Variants in MAST2 observed in about 807,000 individuals in gnomAD.
MAST2 encodes microtubule-associated serine/threonine-protein kinase 2.
Under a neutral mutation model 147.4 loss-of-function variants are expected in MAST2, and 70 were observed. The observed-to-expected ratio is 0.47, with a 90% CI of 0.39 to 0.58. MAST2 has a LOEUF of 0.58. Ranked by LOEUF, MAST2 falls within the 20% of genes least tolerant of loss-of-function variation. MAST2 has a pLI of 0.00. For missense variants in MAST2, 2,080 were observed against 2,302.3 expected (o/e 0.90, Z 1.98); for synonymous variants, 869 against 896.8 (o/e 0.97, Z 0.55).
At chr1:45,970,347 T>G (rs1432269694) in intron 5 of MAST2, among the ~76,000 whole-genome samples, 1 of 152,098 alleles carries the variant, frequency 6.6e-6, no homozygotes, top group Non-Finnish European at 1.5e-5. Context: ...CTGGCACTGG[T>G]TGCTATGGAG....
chr1:45,806,209 C>T (rs1243578048), intron 1 of MAST2, among the ~76,000 whole-genome samples: 1 of 152,194 alleles, frequency 6.6e-6, no homozygotes, highest in African/African-American at 2.4e-5. Flanking sequence ...CCTCCCTCAC[C>T]ACCTCTGTCA....
intron 4 of MAST2, among the ~76,000 whole-genome samples, chr1:45,931,377 G>GTTTTTTTTTTTTTTT (rs71587091): frequency 3.5e-4 from 35 of 101,174 alleles, no homozygotes; most frequent in Non-Finnish European, 3.9e-4. Flanking sequence ...ATTGTGTTCT[G>GTTTTTTTTTTTTTTT]TTTTTTTTTT....
At chr1:46,019,193 T>C (rs1451424936) in intron 10 of MAST2, among the ~76,000 whole-genome samples, 5 of 152,112 alleles carry the variant, frequency 3.3e-5, no homozygotes, top group Non-Finnish European at 5.9e-5. Context: ...GCAGCCAGAG[T>C]GATCCTTCTG....
At chr1:45,945,926 A>C (rs1208227952) in intron 4 of MAST2, among the ~76,000 whole-genome samples, 1 of 152,186 alleles carries the variant, frequency 6.6e-6, no homozygotes, top group African/African-American at 2.4e-5. Context: ...ATGTTTGTGG[A>C]TGGCCTCAGT....
rs201576606 is a variant in MAST2, at chr1:46,022,038, G to C, written c.1379G>C (p.Arg460Pro). Residue 460 changes from arginine to proline, a missense_variant, in exon 12 of 29, where the codon CGC becomes CCC. Physicochemically the swap from Arg to Pro is moderately radical, Grantham distance 103. Coordinates refer to ENST00000361297, the MANE Select transcript of MAST2 (RefSeq NM_015112.3). The stretch of plus-strand genomic sequence containing the variant: ...CAAGGGATTAAATGTGACATTCCCC[G>C]CTACATCGTTAGCCAGCTGGGCCTC... The part of the protein sequence containing the change: ...EGQGIKCDIP[R>P]YIVSQLGLTR... 1 of 1,614,042 alleles carries C rather than the reference G, an allele frequency of 6.2e-7. No individual in the cohort carries two copies. Among genetic ancestry groups the C allele is most frequent in the African/African-American group, 1.3e-5 (1 of 74,914 alleles).
intron 3 of MAST2, among the ~76,000 whole-genome samples, chr1:45,864,042 A>G (rs928457071): frequency 4.6e-5 from 7 of 152,222 alleles, no homozygotes; most frequent in African/African-American, 1.7e-4. Context: ...AAGGAACAGA[A>G]TCATATCATG....
At chr1:45,852,166 TTG>T (rs1214773370) in intron 3 of MAST2, among the ~76,000 whole-genome samples, 2 of 152,180 alleles carry the variant, frequency 1.3e-5, no homozygotes, top group African/African-American at 4.8e-5. Context: ...TTGTATATGT[TTG>T]TGTGTGTATG....
chr1:46,006,034 G>C (rs1483051145), intron 7 of MAST2, among the ~76,000 whole-genome samples: 1 of 152,182 alleles, frequency 6.6e-6, no homozygotes, highest in Non-Finnish European at 1.5e-5. Flanking sequence ...AAGGACTCCA[G>C]TATATTGAAT....
chr1:45,817,868 C>T (rs963248833), intron 1 of MAST2, among the ~76,000 whole-genome samples: 2 of 152,092 alleles, frequency 1.3e-5, no homozygotes, highest in Non-Finnish European at 2.9e-5. Flanking sequence ...CTTTATTAAT[C>T]AAAATAGGAA....
In MAST2 at chr1:45,813,372, C is replaced by T. The variant is rs545477493; in HGVS notation, c.177+9300C>T. ...TGAGACCGAGTCTTGCTCTGTTGCTCAGGCTGGAGTGCAGTGGTGCGATCT... is the reference window on the plus strand; with the variant it reads ...TGAGACCGAGTCTTGCTCTGTTGCTTAGGCTGGAGTGCAGTGGTGCGATCT... On this transcript the variant is annotated intron_variant, in intron 1 of 28. Transcript: ENST00000361297. Among the ~76,000 whole-genome samples, 6 of 151,858 alleles carry T rather than the reference C, an allele frequency of 4.0e-5. 1 individual carries two copies. The highest frequency in any genetic ancestry group is 1.4e-4 in the African/African-American group (6 of 41,396).
intron 5 of MAST2, among the ~76,000 whole-genome samples, chr1:45,968,105 C>T (rs1643686568): frequency 6.6e-6 from 1 of 152,134 alleles, no homozygotes; most frequent in Non-Finnish European, 1.5e-5. Context: ...TTGGGATGTT[C>T]AGCTGGTTAG....
chr1:45,960,413 G>A (rs914321743), intron 5 of MAST2, among the ~76,000 whole-genome samples: 1 of 152,086 alleles, frequency 6.6e-6, no homozygotes, highest in Non-Finnish European at 1.5e-5. Flanking sequence ...GGAGGCTGAG[G>A]TGGGAGCATC....
chr1:46,024,154 C>G, intron 15 of MAST2, 174 bp downstream of exon 15: 1 of 631,866 alleles, frequency 1.6e-6, no homozygotes. Context: ...ACAGTGGGCA[C>G]AAAGCTCCCT....
At chr1:46,026,950 C>A (rs1472647012) in intron 16 of MAST2, among the ~76,000 whole-genome samples, 2 of 152,060 alleles carry the variant, frequency 1.3e-5, no homozygotes, top group Non-Finnish European at 2.9e-5. Flanking sequence ...TGATGTGTTA[C>A]TCTAGAAAAC....
intron 4 of MAST2, among the ~76,000 whole-genome samples, chr1:45,944,439 T>C (rs1657753257): frequency 6.6e-6 from 1 of 152,212 alleles, no homozygotes. Context: ...CTTAATATTA[T>C]TTCTAATAAA....
intron 5 of MAST2, among the ~76,000 whole-genome samples, chr1:45,978,045 A>G (rs924089760): frequency 1.3e-5 from 2 of 151,230 alleles, no homozygotes; most frequent in East Asian, 3.9e-4. Flanking sequence ...GTGAAACCCT[A>G]TCTCTTATAT....
chr1:45,944,416 C>G (rs1165673122), intron 4 of MAST2, among the ~76,000 whole-genome samples: 1 of 152,086 alleles, frequency 6.6e-6, no homozygotes, highest in Non-Finnish European at 1.5e-5. Context: ...ATTTCAGTGT[C>G]AAATTAATAC....
intron 3 of MAST2, among the ~76,000 whole-genome samples, chr1:45,854,440 T>C (rs1199155371): frequency 6.6e-6 from 1 of 152,190 alleles, no homozygotes; most frequent in Non-Finnish European, 1.5e-5. Context: ...TACCACAATG[T>C]TTTGATTACT....
In MAST2 at chr1:46,031,187, C is replaced by A. The variant is rs375494816; in HGVS notation, c.2889C>A (p.Pro963=). The change falls in exon 23 of 29, where the codon CCC becomes CCA. Residue 963 remains proline, a synonymous_variant. Coordinates refer to ENST00000361297, the MANE Select transcript of MAST2 (RefSeq NM_015112.3). The surrounding 1 kb of genome is among the most constrained non-coding windows in gnomAD (Gnocchi z 4.1). ...QPQEGIWVLT[P]PSGEGVSGPV... is the part of the protein sequence containing the mutation. ...AGGAGGGTATATGGGTCCTGACACC[C>A]CCATCTGGAGAGGGGGTATCTGGGC... The A allele has an allele frequency of 5.3e-5, 83 of 1,580,344 alleles. No individual in the cohort carries two copies. Among genetic ancestry groups the A allele is most frequent in the Non-Finnish European group, 7.0e-5 (81 of 1,158,744 alleles).
Sources: allele counts gnomAD v4.1 joint callset (sites outside exome capture counted in the v4.1 genomes callset), GRCh38; gene constraint gnomAD v4.1.1; non-coding constraint Gnocchi (gnomAD v3.1); transcripts MANE v1.5; gene names NCBI Gene and HGNC (gene_info 2026-07-23, HGNC 2026-07-21).